FBXL18: variants seen among roughly 807,000 people sequenced by gnomAD.
FBXL18 encodes the protein F-box/LRR-repeat protein 18.
In FBXL18, 36 loss-of-function variants were observed where a neutral mutation model predicts 46.0. The observed-to-expected ratio is 0.78, with a 90% CI of 0.60 to 1.03. The LOEUF is 1.03. Ranked by LOEUF, FBXL18 falls within the 50% of genes least tolerant of loss-of-function variation. FBXL18 has a pLI of 0.00. For synonymous variants in FBXL18, 557 were observed against 465.3 expected, an observed-to-expected ratio of 1.20 and a Z score of -2.54; for missense variants, 977 against 1,004.1, an observed-to-expected ratio of 0.97 and a Z score of 0.36.
chr7:5,469,177 C>T (rs1354379518), intron 4 of FBXL18, among the ~76,000 whole-genome samples: 6 of 152,028 alleles, frequency 3.9e-5, no homozygotes, highest in South Asian at 2.1e-4. Flanking sequence ...TTTGGGAGGC[C>T]GAAGTGGGTG....
rs1491478537 is a variant in FBXL18 at position 5,480,549 on chromosome 7, T to TATATATATATATATA, written c.*1225_*1226insTATATATATATATAT. 1.4e-4 allele frequency: 4 copies of TATATATATATATATA among 28,636 alleles called. No homozygotes were observed. Among genetic ancestry groups the TATATATATATATATA allele is most frequent in the Admixed American group, 4.9e-4 (1 of 2,048 alleles). The allele number at this position is 28,636 out of a possible 1,614,324, so 1.8% of individuals were successfully genotyped here. On this transcript the variant is annotated 3_prime_UTR_variant, in exon 5 of 5. Transcript: ENST00000382368. ...TTGAATATATATATATATATATATATTTTTTTTTTTTTTTTTTTTTTTTTT... is the reference window on the plus strand; with the variant it reads ...TTGAATATATATATATATATATATATATATATATATATATATTTTTTTTTTTTTTTTTTTTTTTTT...
rs958222612 is a variant in FBXL18 at position 5,499,417 on chromosome 7, G to C, written c.1781+1071C>G. On this transcript the variant is annotated intron_variant, in intron 3 of 4. Coordinates refer to ENST00000382368, the MANE Select transcript of FBXL18 (RefSeq NM_024963.6). ...CAAGTCTCTGGGGTTTCTTCACATG[G>C]TACTTACTGACCCAGAAAGCATCTG... is the stretch of plus-strand genomic sequence containing the variant. Among the ~76,000 whole-genome samples the C allele has an allele frequency of 2.0e-5, 3 of 151,968 alleles. No individual in the cohort carries two copies. The South Asian group carries it at 6.2e-4, about 32-fold the overall frequency.
At position 5,455,610 on chromosome 7, in the gene FBXL18, A is replaced by C. The variant is rs1390468568; in HGVS notation, c.2001-7767T>G. On this transcript the variant is annotated intron_variant and NMD_transcript_variant, in intron 4 of 6. Transcript: ENST00000415009. The surrounding 1 kb of genome is among the most constrained non-coding windows in gnomAD (Gnocchi z 4.6). Reference sequence around the variant, plus strand: ...TATGGGTTTGCATTCCCATGGCGCCAAGTCGGTCCTGAGAAGATCCTCCGG... The same window carrying C: ...TATGGGTTTGCATTCCCATGGCGCCCAGTCGGTCCTGAGAAGATCCTCCGG... Among the ~76,000 whole-genome samples the C allele has an allele frequency of 1.3e-5, 2 of 152,086 alleles. No homozygotes were observed. The highest frequency in any genetic ancestry group is 2.9e-5 in the Non-Finnish European group (2 of 68,006).
downstream of FBXL18, among the ~76,000 whole-genome samples, chr7:5,472,340 G>A (rs967713570): frequency 2.0e-5 from 3 of 152,154 alleles, no homozygotes; most frequent in Non-Finnish European, 4.4e-5. Context: ...TCTGTGCCCC[G>A]TCTCTTGACT....
At position 5,513,665 on chromosome 7, in the gene FBXL18, A is replaced by G; in HGVS notation, c.10T>C (p.Ser4Pro). 1.2e-6 allele frequency: 2 copies of G among 1,610,362 alleles called. No individual in the cohort carries two copies. Among genetic ancestry groups the G allele is most frequent in the Admixed American group, 1.7e-5 (1 of 59,652 alleles). ...ACAGTCGCGGACAGTACCTCTCCGG[A>G]GCTGGCCATGTCGCCGGCGGGTCCG... is the stretch of plus-strand genomic sequence containing the variant. MAS[S>P]GEDISNDDDD... Residue 4 changes from serine (S) to proline (P), a missense_variant, in exon 1 of 5, where the codon TCC (serine) becomes CCC (proline). By Grantham distance (74) the Ser-to-Pro change is moderately conservative (BLOSUM62 -1). Transcript: ENST00000382368.
chr7:5,474,798 C>G (rs1448467883), downstream of FBXL18, among the ~76,000 whole-genome samples: 1 of 150,976 alleles, frequency 6.6e-6, no homozygotes, highest in African/African-American at 2.4e-5. Flanking sequence ...AGCTCCGCCT[C>G]CCGGGTTCAG....
intron 4 of FBXL18, among the ~76,000 whole-genome samples, chr7:5,484,071 C>T (rs937084370): frequency 3.9e-5 from 6 of 152,156 alleles, no homozygotes; most frequent in Non-Finnish European, 5.9e-5. Context: ...GTGAACACCA[C>T]GGGTCATGTG....
chr7:5,496,336 C>A lies in FBXL18; in HGVS notation c.1781+4152G>T, dbSNP rs145062513. On this transcript the variant is annotated intron_variant, in intron 3 of 4. Transcript: ENST00000382368. The surrounding 1 kb of genome is among the most constrained non-coding windows in gnomAD (Gnocchi z 4.8). ...CTGCCGTCACCTCTGCCTCTTGCTT[C>A]CGGAACACCCCCTCCCTCCGGCCAG... 5.0e-3 allele frequency among the ~76,000 whole-genome samples: 760 copies of A among 152,322 alleles called. 6 individuals are homozygous for A. The highest frequency in any genetic ancestry group is 0.017 in the Middle Eastern group (5 of 294).
chr7:5,467,472 G>A (rs1282323990), intron 4 of FBXL18, among the ~76,000 whole-genome samples: 2 of 151,664 alleles, frequency 1.3e-5, no homozygotes, highest in Admixed American at 6.6e-5. Flanking sequence ...CTTGAACCTG[G>A]GAGGCGGAGG....
chr7:5,463,741 T>TATTTTA (rs1562672346), intron 4 of FBXL18, among the ~76,000 whole-genome samples: 2 of 46,204 alleles, frequency 4.3e-5, no homozygotes, highest in African/African-American at 6.4e-5. Context: ...TTTTTTTTTT[T>TATTTTA]TTTTTTTTTT....
chr7:5,484,995 T>G (rs1244023298), intron 4 of FBXL18, among the ~76,000 whole-genome samples: 2 of 152,166 alleles, frequency 1.3e-5, no homozygotes, highest in African/African-American at 4.8e-5. Context: ...TTGCCCAGCC[T>G]GGTCTCAAAC....
At chr7:5,498,390 C>T (rs957214732) in intron 3 of FBXL18, among the ~76,000 whole-genome samples, 2 of 151,748 alleles carry the variant, frequency 1.3e-5, no homozygotes, top group African/African-American at 2.4e-5. Flanking sequence ...CCGGCCGAGG[C>T]CATTTTGATT....
At position 5,480,231 on chromosome 7, in the gene FBXL18, TGGACAAGGGGCC is replaced by T. The variant is rs1384095004; in HGVS notation, c.*1532_*1543del. On this transcript the variant is annotated 3_prime_UTR_variant, in exon 5 of 5. Coordinates refer to ENST00000382368, the MANE Select transcript of FBXL18 (RefSeq NM_024963.6). Reference sequence around the variant, plus strand: ...GAAACCCAGGAGGAGGAAGGCGGGCTGGACAAGGGGCCCTTCACCAAGAGCGGCCAGGGCGGC... The same window carrying T: ...GAAACCCAGGAGGAGGAAGGCGGGCTCTTCACCAAGAGCGGCCAGGGCGGC... 0.022 allele frequency among the ~76,000 whole-genome samples: 3,289 copies of T among 152,210 alleles called. 127 individuals carry two copies. The highest frequency in any genetic ancestry group is 0.074 in the African/African-American group (3,087 of 41,522).
At chr7:5,510,832 C>G (rs1257273422) in intron 1 of FBXL18, among the ~76,000 whole-genome samples, 1 of 152,168 alleles carries the variant, frequency 6.6e-6, no homozygotes, top group Non-Finnish European at 1.5e-5. Context: ...CAGGTCCCAA[C>G]CAGGCACCTC....
chr7:5,489,924 G>A (rs777272509), intron 4 of FBXL18: 10 of 1,196,982 alleles, frequency 8.4e-6, no homozygotes, highest in South Asian at 4.0e-5. Context: ...CAGCCTGGAC[G>A]ACAGAGTGAG....
chr7:5,488,756 C>T (rs1783839701), intron 4 of FBXL18, among the ~76,000 whole-genome samples: 1 of 152,244 alleles, frequency 6.6e-6, no homozygotes, highest in African/African-American at 2.4e-5. Flanking sequence ...CTTCCCACAT[C>T]TGACAGGACA....
At position 5,482,198 on chromosome 7, in the gene FBXL18, G is replaced by A. The variant is rs148991060; in HGVS notation, c.2001-267C>T. Among the ~76,000 whole-genome samples the A allele has an allele frequency of 1.0e-3, 157 of 152,294 alleles. 1 individual carries two copies. The highest frequency in any genetic ancestry group is 3.6e-3 in the African/African-American group (149 of 41,564). ...GGGGCACCCGCTCCATGCCAGCCAC[G>A]AGGATCAGAGGCCCCGGAGGCCAAC... On this transcript the variant is annotated intron_variant, in intron 4 of 4. Coordinates refer to ENST00000382368, the MANE Select transcript of FBXL18 (RefSeq NM_024963.6).
chr7:5,506,991 A>G (rs1002098956), intron 1 of FBXL18, among the ~76,000 whole-genome samples: 1 of 152,220 alleles, frequency 6.6e-6, no homozygotes, highest in Non-Finnish European at 1.5e-5. Flanking sequence ...TGAGACATGA[A>G]GTCCCCAGAT....
At chr7:5,511,729 C>G (rs1194948549) in intron 1 of FBXL18, among the ~76,000 whole-genome samples, 1 of 150,266 alleles carries the variant, frequency 6.7e-6, no homozygotes, top group Non-Finnish European at 1.5e-5. Flanking sequence ...GATCGCGCCA[C>G]TGCACTCCAA....
Sources: gnomAD v4.1 joint callset for allele counts (sites outside exome capture counted in the v4.1 genomes callset) on GRCh38, gnomAD v4.1.1 for gene constraint, Gnocchi (gnomAD v3.1) non-coding constraint, MANE v1.5 for transcripts, NCBI Gene and HGNC (gene_info 2026-07-23, HGNC 2026-07-21) for gene names.